Variants in NOVA1 observed in about 807,000 individuals in gnomAD.
NOVA1 encodes RNA-binding protein Nova-1.
A neutral mutation model predicts 38.0 loss-of-function variants in NOVA1; 7 were observed. That is an observed-to-expected ratio of 0.18 (90% CI 0.10 to 0.35). NOVA1 has a LOEUF of 0.35. NOVA1 is among the 10% of genes least tolerant of loss of function. The pLI, the probability that NOVA1 is intolerant of heterozygous loss-of-function variation, is 1.00. For missense variants in NOVA1, 460 were observed against 616.0 expected, an observed-to-expected ratio of 0.75 and a Z score of 2.68; for synonymous variants, 270 against 232.5, an observed-to-expected ratio of 1.16 and a Z score of -1.47.
rs1482666133 is a variant in NOVA1 at position 26,447,867 on chromosome 14, CAG to C, written c.*90_*91del. ...CATTTGCATAATTATATATTAATAA[CAG>C]AAAAACTTCACTTCTGCAAAGTACA... On this transcript the variant is annotated 3_prime_UTR_variant, in exon 5 of 5. Coordinates refer to ENST00000539517, the MANE Select transcript of NOVA1 (RefSeq NM_002515.3). 2.3e-6 allele frequency: 2 copies of C among 885,558 alleles called. No individual in the cohort carries two copies. The highest frequency in any genetic ancestry group is 2.5e-5 in the East Asian group (1 of 39,984). 54.9% of individuals were successfully genotyped at this position (885,558 alleles called of 1,614,324 possible).
In NOVA1 at chr14:26,444,098, A is replaced by G. The variant is rs1248118218; in HGVS notation, c.*3861T>C. 1 of 152,148 alleles carries G rather than the reference A, an allele frequency of 6.6e-6. No homozygotes were observed. Among genetic ancestry groups the G allele is most frequent in the Non-Finnish European group, 1.5e-5 (1 of 67,992 alleles). The allele number at this position is 152,148 out of a possible 1,614,324, so 9.4% of individuals were successfully genotyped here. On this transcript the variant is annotated 3_prime_UTR_variant, in exon 5 of 5. Transcript: ENST00000539517. ...GACTGAAATATAAGAATGGATTAAA[A>G]GGAATATGATTATCAGTACCTTTGT... is the stretch of plus-strand genomic sequence containing the variant.
chr14:26,471,162 T>G (rs1422852082), intron 4 of NOVA1, among the ~76,000 whole-genome samples: 1 of 152,200 alleles, frequency 6.6e-6, no homozygotes, highest in Admixed American at 6.5e-5. Context: ...AAGGGAACGC[T>G]ATTGCATAAA....
At chr14:26,534,330 A>G (rs543412653) in intron 2 of NOVA1, among the ~76,000 whole-genome samples, 25 of 152,198 alleles carry the variant, frequency 1.6e-4, no homozygotes, top group Non-Finnish European at 3.2e-4. Context: ...TGTTTGTCCA[A>G]GATGACTGTT....
intron 2 of NOVA1, among the ~76,000 whole-genome samples, chr14:26,541,742 G>A (rs1594499978): frequency 6.6e-6 from 1 of 151,572 alleles, no homozygotes; most frequent in Non-Finnish European, 1.5e-5. Context: ...TAGAATGTTT[G>A]AATTATTGCA....
At chr14:26,525,957 C>T (rs987041216) in intron 2 of NOVA1, among the ~76,000 whole-genome samples, 1 of 152,000 alleles carries the variant, frequency 6.6e-6, no homozygotes, top group Non-Finnish European at 1.5e-5. Context: ...TATTAAATAG[C>T]TTTAAGTTAT....
At chr14:26,451,752 G>C (rs1201747343) in intron 4 of NOVA1, among the ~76,000 whole-genome samples, 3 of 152,184 alleles carry the variant, frequency 2.0e-5, no homozygotes, top group Admixed American at 6.5e-5. Context: ...CCATATTTTT[G>C]AAAATTGAAG....
chr14:26,506,471 G>A (rs1193474902), intron 2 of NOVA1, among the ~76,000 whole-genome samples: 1 of 152,182 alleles, frequency 6.6e-6, no homozygotes, highest in African/African-American at 2.4e-5. Flanking sequence ...GAGTAAAAGA[G>A]TAAAATCATA....
intron 2 of NOVA1, among the ~76,000 whole-genome samples, chr14:26,552,347 T>A (rs1891214254): frequency 6.6e-6 from 1 of 152,050 alleles, no homozygotes; most frequent in Non-Finnish European, 1.5e-5. Context: ...AATAGTGGCA[T>A]TTAAGTAAGT....
At position 26,448,153 on chromosome 14, in the gene NOVA1, A is replaced by G. The variant is rs752786208; in HGVS notation, c.1330T>C (p.Leu444=). Residue 444 remains leucine, a synonymous_variant, in exon 5 of 5, where the codon TTA becomes CTA. Transcript: ENST00000539517. The surrounding 1 kb of genome is among the most constrained non-coding windows in gnomAD (Gnocchi z 5.3). ...CCAGTCAACTCCTGGTATTCCACTA[A>G]TGTTTTCCCTCCTTTGCCAAGTATT... ...GAILGKGGKT[L]VEYQELTGAR... is the part of the protein sequence containing the mutation. 6.2e-6 allele frequency: 10 copies of G among 1,614,028 alleles called. No homozygotes were observed. The Admixed American group carries it at 1.2e-4, about 19-fold the overall frequency.
At chr14:26,497,181 G>T in intron 2 of NOVA1, among the ~76,000 whole-genome samples, 1 of 152,048 alleles carries the variant, frequency 6.6e-6, no homozygotes, top group East Asian at 1.9e-4. Flanking sequence ...AATCATGAGT[G>T]AACTCCCATT....
At chr14:26,462,222 G>T (rs1195955407) in intron 4 of NOVA1, among the ~76,000 whole-genome samples, 1 of 151,950 alleles carries the variant, frequency 6.6e-6, no homozygotes, top group Non-Finnish European at 1.5e-5. Flanking sequence ...GATTTAAGTT[G>T]TATTAATTAG....
intron 2 of NOVA1, among the ~76,000 whole-genome samples, chr14:26,569,678 G>T (rs1028861186): frequency 2.6e-5 from 4 of 152,048 alleles, no homozygotes; most frequent in Non-Finnish European, 5.9e-5. Context: ...CTTCAAAGTG[G>T]CATAATCAAA....
At position 26,443,113 on chromosome 14, in the gene NOVA1, A is replaced by T. The variant is rs2138525451; in HGVS notation, c.*4846T>A. The stretch of plus-strand genomic sequence containing the variant: ...AATTTGTGTTTAAAGCTATTTGCAG[A>T]TTTATTAGAGAAACAAATACAAATA... On this transcript the variant is annotated 3_prime_UTR_variant, in exon 5 of 5. Transcript: ENST00000539517. 1 of 152,168 alleles carries T rather than the reference A, an allele frequency of 6.6e-6. No individual in the cohort carries two copies. The highest frequency in any genetic ancestry group is 2.4e-5 in the African/African-American group (1 of 41,576). 9.4% of individuals were successfully genotyped at this position (152,168 alleles called of 1,614,324 possible). A position where few individuals can be genotyped will look rare whatever the true frequency, so the allele number is the denominator to read the frequency against.
At position 26,502,846 on chromosome 14, in the gene NOVA1, A is replaced by T. The variant is rs555434984; in HGVS notation, c.281-22703T>A. Reference sequence around the variant, plus strand: ...TACATACAATGATAACACTAGTTTCATGTTTTTTGCTACAGTTCTCAAGAT... The same window carrying T: ...TACATACAATGATAACACTAGTTTCTTGTTTTTTGCTACAGTTCTCAAGAT... On this transcript the variant is annotated intron_variant, in intron 2 of 4. Coordinates refer to ENST00000539517, the MANE Select transcript of NOVA1 (RefSeq NM_002515.3). 7.9e-5 allele frequency among the ~76,000 whole-genome samples: 12 copies of T among 152,196 alleles called. 1 individual carries two copies. The East Asian group carries it at 2.3e-3, about 29-fold the overall frequency.
intron 2 of NOVA1, among the ~76,000 whole-genome samples, chr14:26,511,039 A>G (rs1192426912): frequency 7.5e-6 from 1 of 132,896 alleles, no homozygotes; most frequent in African/African-American, 2.5e-5. Context: ...GCAAATACAC[A>G]TTCAGTTAAC....
chr14:26,572,399 A>C (rs1456236075), intron 2 of NOVA1, among the ~76,000 whole-genome samples: 1 of 152,194 alleles, frequency 6.6e-6, no homozygotes, highest in Non-Finnish European at 1.5e-5. Context: ...AAGTTTATAA[A>C]TTTAAGAGAA....
chr14:26,544,176 T>C (rs948622009), intron 2 of NOVA1, among the ~76,000 whole-genome samples: 1 of 151,218 alleles, frequency 6.6e-6, no homozygotes, highest in Non-Finnish European at 1.5e-5. Context: ...TAAAGGACTA[T>C]AAAAAAAGAA....
intron 2 of NOVA1, among the ~76,000 whole-genome samples, chr14:26,574,267 A>ACCCC (rs566340896): frequency 2.1e-5 from 1 of 47,890 alleles, no homozygotes; most frequent in East Asian, 7.5e-4. Context: ...CTCGTGATCC[A>ACCCC]CCCCCCCCCC....
chr14:26,571,065 A>G (rs1028362781), intron 2 of NOVA1, among the ~76,000 whole-genome samples: 3 of 151,328 alleles, frequency 2.0e-5, no homozygotes, highest in African/African-American at 7.4e-5. Flanking sequence ...GTGAAGAGCA[A>G]TAATTGGTGA....
Sources: allele counts gnomAD v4.1 joint callset (sites outside exome capture counted in the v4.1 genomes callset), GRCh38; gene constraint gnomAD v4.1.1; non-coding constraint Gnocchi (gnomAD v3.1); transcripts MANE v1.5; gene names NCBI Gene and HGNC (gene_info 2026-07-23, HGNC 2026-07-21).